The following PIK3CB variants were observed in gnomAD, a reference collection of about 807,000 sequenced individuals.
PIK3CB encodes phosphatidylinositol 4,5-bisphosphate 3-kinase catalytic subunit beta isoform.
A neutral mutation model predicts 136.8 loss-of-function variants in PIK3CB; 39 were observed. That is an observed-to-expected ratio of 0.29 (90% CI 0.22 to 0.37). The LOEUF is 0.37. Among genes scored for constraint, PIK3CB ranks in the 10% least tolerant of loss-of-function variants. PIK3CB has a pLI of 1.00. For synonymous variants in PIK3CB, 428 were observed against 436.6 expected, an observed-to-expected ratio of 0.98 and a Z score of 0.25; for missense variants, 868 against 1,275.4, an observed-to-expected ratio of 0.68 and a Z score of 4.87.
intron 15 of PIK3CB, among the ~76,000 whole-genome samples, chr3:138,690,094 G>A (rs974224688): frequency 2.0e-5 from 3 of 151,592 alleles, no homozygotes; most frequent in Non-Finnish European, 4.4e-5. Context: ...ATAAGAAAAG[G>A]TTCTAGAACA....
chr3:138,815,130 AC>A (rs1241062928), intron 1 of PIK3CB, among the ~76,000 whole-genome samples: 2 of 109,882 alleles, frequency 1.8e-5, no homozygotes, highest in African/African-American at 3.8e-5. Context: ...ACAGAGCGAG[AC>A]TCCGTCTCAA....
At chr3:138,731,561 C>T (rs1016062124) in intron 8 of PIK3CB, among the ~76,000 whole-genome samples, 1 of 151,846 alleles carries the variant, frequency 6.6e-6, no homozygotes, top group Non-Finnish European at 1.5e-5. Flanking sequence ...CCTGTTTGCA[C>T]TTTTTCATTT....
chr3:138,682,590 G>A (rs933912891), intron 18 of PIK3CB, among the ~76,000 whole-genome samples: 14 of 152,056 alleles, frequency 9.2e-5, no homozygotes, highest in African/African-American at 3.1e-4. Flanking sequence ...TAAGAATCAC[G>A]TAAGTAACTG....
At chr3:138,829,192 G>A (rs1054918043) in intron 1 of PIK3CB, among the ~76,000 whole-genome samples, 1 of 151,998 alleles carries the variant, frequency 6.6e-6, no homozygotes, top group Non-Finnish European at 1.5e-5. Flanking sequence ...GCTGAGATGG[G>A]TGGATTGCTT....
At position 138,759,211 on chromosome 3, in the gene PIK3CB, C is replaced by G; in HGVS notation, c.133G>C (p.Glu45Gln). 1 of 1,611,640 alleles carries G rather than the reference C, an allele frequency of 6.2e-7. No individual in the cohort carries two copies. The highest frequency in any genetic ancestry group is 8.5e-7 in the Non-Finnish European group (1 of 1,178,140). Residue 45 changes from glutamate to glutamine, a missense_variant, in exon 3 of 24, where the codon GAG becomes CAG. Transcript: ENST00000674063. ...LLPTGIYIQL[E>Q]VPREATISYI... Reference sequence around the variant, plus strand: ...GAAATGGTAGCTTCCCGAGGTACCTCCAACTGGATATAAATCCCAGTGGGC... The same window carrying G: ...GAAATGGTAGCTTCCCGAGGTACCTGCAACTGGATATAAATCCCAGTGGGC...
At chr3:138,743,876 A>T (rs1416414408) in intron 4 of PIK3CB, among the ~76,000 whole-genome samples, 3 of 151,976 alleles carry the variant, frequency 2.0e-5, no homozygotes, top group Admixed American at 6.6e-5. Context: ...GTCCCTTTTG[A>T]CTCCTGAACA....
At chr3:138,819,960 C>G (rs933640843) in intron 1 of PIK3CB, among the ~76,000 whole-genome samples, 4 of 152,116 alleles carry the variant, frequency 2.6e-5, no homozygotes, top group Non-Finnish European at 5.9e-5. Flanking sequence ...AGCAACAGAG[C>G]GAGACTCTGT....
intron 12 of PIK3CB, among the ~76,000 whole-genome samples, chr3:138,701,317 G>A (rs2108539143): frequency 6.6e-6 from 1 of 151,900 alleles, no homozygotes; most frequent in South Asian, 2.1e-4. Context: ...CAAGTAACCA[G>A]AGATTGGATC....
chr3:138,788,997 A>AAAAAAAAAAAAAAAAAAAAAAAAAAAC (rs1559879235), intron 2 of PIK3CB, among the ~76,000 whole-genome samples: 1 of 150,090 alleles, frequency 6.7e-6, no homozygotes, highest in African/African-American at 2.5e-5. Context: ...AAAAAACAAA[A>AAAAAAAAAAAAAAAAAAAAAAAAAAAC]AACAACACCA....
chr3:138,673,642 AAAAC>A (rs1256449141), intron 19 of PIK3CB, among the ~76,000 whole-genome samples: 1 of 152,176 alleles, frequency 6.6e-6, no homozygotes, highest in Non-Finnish European at 1.5e-5. Context: ...TTCTGAAAAT[AAAAC>A]AAAGGCTTGC....
intron 8 of PIK3CB, among the ~76,000 whole-genome samples, chr3:138,730,410 T>G (rs1203145222): frequency 6.6e-6 from 1 of 152,202 alleles, no homozygotes; most frequent in African/African-American, 2.4e-5. Flanking sequence ...AGTAAAGGGC[T>G]GCAGAGAAAT....
intron 1 of PIK3CB, chr3:138,825,265 C>A: frequency 2.5e-6 from 1 of 407,196 alleles, no homozygotes; most frequent in Non-Finnish European, 4.5e-6. Context: ...ATAGGGACAT[C>A]TCAGGCTGAC....
At chr3:138,788,964 C>CAAAAAAAAAAAAAAAAAAAAAAAAAAA in intron 2 of PIK3CB, among the ~76,000 whole-genome samples, 1 of 89,494 alleles carries the variant, frequency 1.1e-5, no homozygotes, top group Non-Finnish European at 2.2e-5. Context: ...GACTTCGTCT[C>CAAAAAAAAAAAAAAAAAAAAAAAAAAA]AAAAAAAAAA....
At chr3:138,710,597 T>C (rs2044476116) in intron 10 of PIK3CB, among the ~76,000 whole-genome samples, 2 of 152,338 alleles carry the variant, frequency 1.3e-5, no homozygotes, top group South Asian at 4.1e-4. Flanking sequence ...ATTTGAATAG[T>C]CTTTCATTCA....
chr3:138,774,006 T>TA (rs1238719454), intron 2 of PIK3CB, among the ~76,000 whole-genome samples: 1 of 152,202 alleles, frequency 6.6e-6, no homozygotes, highest in African/African-American at 2.4e-5. Context: ...AAGACCAATA[T>TA]CTACTACATT....
At chr3:138,813,411 A>T (rs1368986175) in intron 1 of PIK3CB, among the ~76,000 whole-genome samples, 1 of 151,326 alleles carries the variant, frequency 6.6e-6, no homozygotes, top group East Asian at 1.9e-4. Context: ...TAATTCACAC[A>T]TGATTAAGGG....
intron 8 of PIK3CB, among the ~76,000 whole-genome samples, chr3:138,716,446 T>C (rs1428941838): frequency 2.6e-5 from 4 of 152,182 alleles, no homozygotes; most frequent in African/African-American, 7.2e-5. Context: ...ACAGTGACAA[T>C]GGTACCAGCA....
chr3:138,764,337 G>C (rs1244282428), intron 2 of PIK3CB, among the ~76,000 whole-genome samples: 1 of 151,664 alleles, frequency 6.6e-6, no homozygotes, highest in Non-Finnish European at 1.5e-5. Flanking sequence ...TGTGGTCCTA[G>C]CTACTAGGGA....
chr3:138,657,471 A>C, intron 22 of PIK3CB: 1 of 482,252 alleles, frequency 2.1e-6, no homozygotes, highest in South Asian at 2.9e-5. Flanking sequence ...ATTGGAATAA[A>C]ATATAATAAT....
Sources: gnomAD v4.1 joint callset for allele counts (sites outside exome capture counted in the v4.1 genomes callset) on GRCh38, gnomAD v4.1.1 for gene constraint, MANE v1.5 for transcripts, NCBI Gene and HGNC (gene_info 2026-07-23, HGNC 2026-07-21) for gene names.